Variants in STK11 observed in about 807,000 individuals in gnomAD.
STK11 encodes the protein serine/threonine-protein kinase STK11.
A neutral mutation model predicts 47.3 loss-of-function variants in STK11; 8 were observed. That is an observed-to-expected ratio of 0.17 (90% CI 0.10 to 0.31). The LOEUF (loss-of-function observed/expected upper bound fraction) is 0.31. Among genes scored for constraint, STK11 ranks in the 10% least tolerant of loss-of-function variants. The probability of loss-of-function intolerance (pLI) is 1.00; values close to 1 mark genes in which losing one functional copy is unlikely to be tolerated. For missense variants in STK11, 475 were observed against 605.0 expected (o/e 0.79, Z 2.25); for synonymous variants, 330 against 255.8 (o/e 1.29, Z -2.77).
In STK11 at chr19:1,207,144, C is replaced by G. The variant is rs1438805544; in HGVS notation, c.231C>G (p.Val77=). The change falls in exon 1 of 10, where the codon GTC becomes GTG. Residue 77 remains valine (V), a synonymous_variant. Coordinates refer to ENST00000326873, the MANE Select transcript of STK11 (RefSeq NM_000455.5). The part of the protein sequence containing the change: ...LDSETLCRRA[V]KILKKKKLRR... ...CGGAGACGCTGTGCAGGAGGGCCGT[C>G]AAGATCCTCAAGAAGAAGAAGTTGC... 5.6e-6 allele frequency: 9 copies of G among 1,612,930 alleles called. No homozygotes were observed. Among genetic ancestry groups the G allele is most frequent in the Admixed American group, 1.7e-5 (1 of 59,786 alleles).
intron 1 of STK11, among the ~76,000 whole-genome samples, chr19:1,210,359 A>G (rs1025603460): frequency 6.6e-6 from 1 of 151,964 alleles, no homozygotes; most frequent in African/African-American, 2.4e-5. Context: ...AGTGTCTGGA[A>G]CCTTCCAGAC....
intron 1 of STK11, among the ~76,000 whole-genome samples, chr19:1,215,656 G>A (rs1320408214): frequency 6.6e-6 from 1 of 152,250 alleles, no homozygotes; most frequent in Admixed American, 6.5e-5. Context: ...TGCACTGGGA[G>A]GGAAAGGTGA....
intron 8 of STK11, among the ~76,000 whole-genome samples, 156 bp downstream of exon 8, chr19:1,223,328 G>A (rs909479415): frequency 2.6e-5 from 4 of 152,200 alleles, no homozygotes; most frequent in African/African-American, 7.2e-5. Context: ...GGCTGCCTCC[G>A]CCCTGCGGGC....
In STK11 at chr19:1,220,729, G is replaced by GC. The variant is rs730881962; in HGVS notation, c.734+19dup. On this transcript the variant is annotated intron_variant, in intron 5 of 9. Transcript: ENST00000326873. ...GCTGGGGTCACCCTGTAAGTGCCCC[G>GC]CCCCCCCGGGCACTCACCACACGCA... 6.4e-5 allele frequency: 103 copies of GC among 1,600,896 alleles called. No individual in the cohort carries two copies. Among genetic ancestry groups the GC allele is most frequent in the Admixed American group, 1.3e-4 (8 of 59,380 alleles).
intron 8 of STK11, chr19:1,225,935 G>C (rs769272573): frequency 9.7e-5 from 96 of 992,926 alleles, no homozygotes; most frequent in Non-Finnish European, 1.1e-4. Context: ...TGGCTAGCAG[G>C]GACTGGGGGC....
At chr19:1,223,300 G>T in intron 8 of STK11, 128 bp downstream of exon 8, 1 of 1,185,270 alleles carries the variant, frequency 8.4e-7, no homozygotes, top group Non-Finnish European at 1.2e-6. Flanking sequence ...CGTCCCCAAA[G>T]CCTCCAGCCC....
intron 8 of STK11, chr19:1,223,679 G>A (rs2080801766): frequency 1.9e-6 from 2 of 1,047,278 alleles, no homozygotes; most frequent in African/African-American, 1.7e-5. Flanking sequence ...AGCGGAGCGC[G>A]GCTTGCAGAA....
chr19:1,221,859 G>A (rs1299542122), intron 6 of STK11, 90 bp from the exon 7 acceptor site: 1 of 1,470,742 alleles, frequency 6.8e-7, no homozygotes, highest in Non-Finnish European at 9.3e-7. Flanking sequence ...ATCACCCAGG[G>A]CCTGACAACA....
rs906850772 is a variant in STK11 at position 1,224,467 on chromosome 19, C to G, written c.1108+1295C>G. 4.1e-6 allele frequency: 4 copies of G among 985,334 alleles called. No individual in the cohort carries two copies. In the African/African-American group the frequency reaches 5.2e-5, roughly 13 times the overall value. The allele number at this position is 985,334 out of a possible 1,614,324, so 61.0% of individuals were successfully genotyped here. A position where few individuals can be genotyped will look rare whatever the true frequency, so the allele number is the denominator to read the frequency against. ...CCCAGGCCCAGGGTCTTCTGCCTTT[C>G]AGAGCCCTGGTGCCCTGAGACGGGC... On this transcript the variant is annotated intron_variant, in intron 8 of 9. Coordinates refer to ENST00000326873, the MANE Select transcript of STK11 (RefSeq NM_000455.5).
intron 8 of STK11, chr19:1,226,016 T>TGGCCC: frequency 9.9e-7 from 1 of 1,012,518 alleles, no homozygotes; most frequent in South Asian, 4.0e-5. Context: ...GTGCCTGGCC[T>TGGCCC]GAGCCTGGCC....
chr19:1,220,735 C>A lies in STK11; in HGVS notation c.734+18C>A, dbSNP rs2145425630. The A allele has an allele frequency of 6.2e-7, 1 of 1,600,516 alleles. No homozygotes were observed. The highest frequency in any genetic ancestry group is 8.5e-7 in the Non-Finnish European group (1 of 1,172,816). On this transcript the variant is annotated intron_variant, in intron 5 of 9. Transcript: ENST00000326873. ...GTCACCCTGTAAGTGCCCCGCCCCC[C>A]CGGGCACTCACCACACGCACACTCC...
chr19:1,214,273 C>T (rs1693962804), intron 1 of STK11, among the ~76,000 whole-genome samples: 1 of 152,218 alleles, frequency 6.6e-6, no homozygotes, highest in Non-Finnish European at 1.5e-5. Flanking sequence ...GGGGTGGCTC[C>T]ACCCCCACTC....
At chr19:1,224,546 G>C (rs2145433350) in intron 8 of STK11, 2 of 985,522 alleles carry the variant, frequency 2.0e-6, no homozygotes, top group East Asian at 1.1e-4. Flanking sequence ...AGCCCAGGCA[G>C]GTTGCGAGAG....
Position 1,206,714 on chromosome 19 carries a change from G to T in STK11, c.-200G>T. ...GGTCCGCAGACCCTGCACCGGGCTTGGACTCGCAGCCGGGACTGACGTGTA... is the reference window on the plus strand; with the variant it reads ...GGTCCGCAGACCCTGCACCGGGCTTTGACTCGCAGCCGGGACTGACGTGTA... On this transcript the variant is annotated 5_prime_UTR_variant, in exon 1 of 10. Transcript: ENST00000326873. 2.7e-6 allele frequency: 2 copies of T among 741,358 alleles called. No individual in the cohort carries two copies. The highest frequency in any genetic ancestry group is 2.1e-6 in the Non-Finnish European group (1 of 476,844). 45.9% of individuals were successfully genotyped at this position (741,358 alleles called of 1,614,324 possible). A position where few individuals can be genotyped will look rare whatever the true frequency, so the allele number is the denominator to read the frequency against.
At chr19:1,209,642 G>C (rs2080695847) in intron 1 of STK11, among the ~76,000 whole-genome samples, 1 of 152,014 alleles carries the variant, frequency 6.6e-6, no homozygotes, top group Non-Finnish European at 1.5e-5. Context: ...CTTGAGTTTT[G>C]ACAAATGTAT....
At position 1,219,563 on chromosome 19, in the gene STK11, C is replaced by T. The variant is rs1319219633; in HGVS notation, c.464+150C>T. 3.3e-5 allele frequency: 26 copies of T among 787,724 alleles called. No individual in the cohort carries two copies. In the East Asian group the frequency reaches 4.8e-4, roughly 14 times the overall value. 48.8% of individuals were successfully genotyped at this position (787,724 alleles called of 1,614,324 possible). ...TTTTTTGTTTTTTTGTGTTTTTTTTCGAGATGGAGTCTCACTCTGTCGCCC... is the reference window on the plus strand; with the variant it reads ...TTTTTTGTTTTTTTGTGTTTTTTTTTGAGATGGAGTCTCACTCTGTCGCCC... On this transcript the variant is annotated intron_variant, in intron 3 of 9. Coordinates refer to ENST00000326873, the MANE Select transcript of STK11 (RefSeq NM_000455.5).
In STK11 at chr19:1,226,574, C is replaced by T. The variant is rs372329880; in HGVS notation, c.1229C>T (p.Ala410Val). Residue 410 changes from alanine (A) to valine (V), a missense_variant, in exon 9 of 10, where the codon GCC becomes GTC. Ala to Val is a moderately conservative substitution (Grantham distance 64). This residue lies in a region of STK11 where 219 missense variants were observed against 189.2 expected (regional missense o/e 1.16). Transcript: ENST00000326873. Reference sequence around the variant, plus strand: ...ACCAAATCCAGGGCGGAGGGCCGGGCCCCCAACCCTGCCCGCAAGGCCTGC... The same window carrying T: ...ACCAAATCCAGGGCGGAGGGCCGGGTCCCCAACCCTGCCCGCAAGGCCTGC... ...LSTKSRAEGR[A>V]PNPARKACSA... 32 of 1,585,200 alleles carry T rather than the reference C, an allele frequency of 2.0e-5. No individual in the cohort carries two copies. The highest frequency in any genetic ancestry group is 1.7e-4 in the Middle Eastern group (1 of 5,768).
chr19:1,224,195 G>A (rs2080805511), intron 8 of STK11: 1 of 985,204 alleles, frequency 1.0e-6, no homozygotes, highest in South Asian at 4.7e-5. Flanking sequence ...GGGTCCCCGG[G>A]GGGTACAGTG....
Position 1,213,046 on chromosome 19 carries a change from G to C in STK11, c.291-5371G>C, listed in dbSNP as rs371340597. Among the ~76,000 whole-genome samples, 69 of 142,978 alleles carry C rather than the reference G, an allele frequency of 4.8e-4. No individual in the cohort carries two copies. The East Asian group carries it at 8.3e-3, about 17-fold the overall frequency. 93.8% of individuals were successfully genotyped at this position (142,978 alleles called of 152,430 possible). The stretch of plus-strand genomic sequence containing the variant: ...GAGTCTCGCTCTGTCACCCAGGCTG[G>C]AGTGCAGTGGCGTGATCTTGGCTCA... On this transcript the variant is annotated intron_variant, in intron 1 of 9. Coordinates refer to ENST00000326873, the MANE Select transcript of STK11 (RefSeq NM_000455.5).
Sources: allele counts gnomAD v4.1 joint callset (sites outside exome capture counted in the v4.1 genomes callset), GRCh38; gene constraint gnomAD v4.1.1; regional missense constraint gnomAD v4.1.1; transcripts MANE v1.5; gene names NCBI Gene and HGNC (gene_info 2026-07-23, HGNC 2026-07-21).